Variants in CAST observed in about 807,000 individuals in gnomAD.
The protein encoded by CAST is calpastatin, also known as MIR583 host.
A neutral mutation model predicts 119.6 loss-of-function variants in CAST; 76 were observed. That is an observed-to-expected ratio of 0.64 (90% CI 0.53 to 0.77). CAST has a LOEUF of 0.77. Among genes scored for constraint, CAST ranks in the 30% least tolerant of loss-of-function variants. The pLI is 0.00. For missense variants in CAST, 953 were observed against 946.5 expected (o/e 1.01, Z -0.09); for synonymous variants, 319 against 331.6 (o/e 0.96, Z 0.41).
the CAST span, among the ~76,000 whole-genome samples, chr5:96,014,454 A>G: frequency 2.6e-5 from 4 of 152,218 alleles, no homozygotes; most frequent in African/African-American, 4.8e-5. Context: ...AACAAGTAAC[A>G]TAGTCACTTA....
At chr5:96,518,261 A>T in the CAST span, among the ~76,000 whole-genome samples, 1 of 152,234 alleles carries the variant, frequency 6.6e-6, no homozygotes, top group Non-Finnish European at 1.5e-5. Flanking sequence ...CTTGAACCTC[A>T]TACCCTTCCC....
At chr5:96,729,071 TG>T (rs1759922739) in intron 6 of CAST, 81 bp from the exon 7 acceptor site, 1 of 885,610 alleles carries the variant, frequency 1.1e-6, no homozygotes, top group South Asian at 1.5e-5. Flanking sequence ...ATGTTTTAGT[TG>T]GAATTTTGTT....
the CAST span, among the ~76,000 whole-genome samples, chr5:96,053,270 T>A: frequency 4.1e-4 from 63 of 152,298 alleles, no homozygotes; most frequent in South Asian, 1.0e-3. Context: ...GACATAAGGA[T>A]TTTGAAAAGC....
the CAST span, among the ~76,000 whole-genome samples, chr5:95,970,582 G>C: frequency 2.0e-5 from 3 of 152,174 alleles, no homozygotes; most frequent in African/African-American, 7.2e-5. Context: ...TATGCATCTG[G>C]AAAAGGAAAG....
intron 1 of CAST, among the ~76,000 whole-genome samples, chr5:96,655,100 A>C (rs1246900464): frequency 3.9e-5 from 6 of 152,218 alleles, no homozygotes; most frequent in Non-Finnish European, 8.8e-5. Flanking sequence ...TTTCTGTGTC[A>C]ATAAATATGG....
At chr5:96,678,269 T>G (rs1750935909) in intron 2 of CAST, among the ~76,000 whole-genome samples, 1 of 152,220 alleles carries the variant, frequency 6.6e-6, no homozygotes, top group South Asian at 2.1e-4. Context: ...TAATCCATTT[T>G]CAAACTGGCA....
intron 1 of CAST, among the ~76,000 whole-genome samples, chr5:96,627,344 A>G (rs1456638365): frequency 2.0e-5 from 3 of 152,254 alleles, no homozygotes; most frequent in Admixed American, 2.0e-4. Flanking sequence ...AATTTTGGAC[A>G]GCAGAGTTTT....
chr5:96,032,785 T>C, the CAST span, among the ~76,000 whole-genome samples: 1 of 152,206 alleles, frequency 6.6e-6, no homozygotes, highest in East Asian at 1.9e-4. Flanking sequence ...TTCTTTAAAA[T>C]AGCCACTAGA....
chr5:96,312,272 A>G, the CAST span, among the ~76,000 whole-genome samples: 1 of 152,084 alleles, frequency 6.6e-6, no homozygotes. Flanking sequence ...AATTTTCTCT[A>G]CAGGCTCTCC....
the CAST span, among the ~76,000 whole-genome samples, chr5:96,434,299 CAGTGCCT>C: frequency 2.6e-5 from 4 of 152,168 alleles, no homozygotes; most frequent in African/African-American, 9.7e-5. Context: ...CGGGAGATAC[CAGTGCCT>C]AGTATTCAGC....
chr5:96,242,465 A>G, the CAST span, among the ~76,000 whole-genome samples: 2 of 152,158 alleles, frequency 1.3e-5, no homozygotes, highest in Non-Finnish European at 2.9e-5. Flanking sequence ...GATCACCCTC[A>G]GCAAATGGAA....
intron 1 of CAST, among the ~76,000 whole-genome samples, chr5:96,674,445 T>C (rs1750463332): frequency 6.6e-6 from 1 of 152,124 alleles, no homozygotes; most frequent in Non-Finnish European, 1.5e-5. Context: ...TGATTAGGAC[T>C]GAATCCAATG....
the CAST span, among the ~76,000 whole-genome samples, chr5:96,047,195 A>C: frequency 6.6e-6 from 1 of 152,386 alleles, no homozygotes; most frequent in African/African-American, 2.4e-5. Context: ...ATATCTTGCA[A>C]GCTCACAGAT....
At chr5:96,315,962 G>A in the CAST span, among the ~76,000 whole-genome samples, 1 of 152,110 alleles carries the variant, frequency 6.6e-6, no homozygotes, top group African/African-American at 2.4e-5. Context: ...GGACCATTCA[G>A]ACCACCTAAG....
At chr5:96,644,213 A>T (rs917934107) in intron 1 of CAST, among the ~76,000 whole-genome samples, 2 of 152,184 alleles carry the variant, frequency 1.3e-5, no homozygotes, top group African/African-American at 4.8e-5. Flanking sequence ...ACCATTATTT[A>T]AAAAAATACT....
At chr5:96,261,471 T>C in the CAST span, among the ~76,000 whole-genome samples, 1 of 152,212 alleles carries the variant, frequency 6.6e-6, no homozygotes, top group Non-Finnish European at 1.5e-5. Flanking sequence ...CTATACATGA[T>C]GCAGAAGGGA....
chr5:96,468,326 A>G, the CAST span, among the ~76,000 whole-genome samples: 1 of 152,080 alleles, frequency 6.6e-6, no homozygotes, highest in African/African-American at 2.4e-5. Context: ...AGACTTCACC[A>G]CTATACAATT....
the CAST span, among the ~76,000 whole-genome samples, chr5:96,117,031 G>A: frequency 6.6e-6 from 1 of 152,194 alleles, no homozygotes; most frequent in African/African-American, 2.4e-5. Flanking sequence ...TCATGTCTTG[G>A]TCACCCTGAA....
chr5:96,003,647 CAG>C, the CAST span, among the ~76,000 whole-genome samples: 1 of 151,748 alleles, frequency 6.6e-6, no homozygotes, highest in African/African-American at 2.4e-5. Context: ...TCTTAGTTGA[CAG>C]AGATCATTTA....
Sources: allele counts gnomAD v4.1 joint callset (sites outside exome capture counted in the v4.1 genomes callset), GRCh38; gene constraint gnomAD v4.1.1; transcripts MANE v1.5; gene names NCBI Gene and HGNC (gene_info 2026-07-23, HGNC 2026-07-21).